The following IL3RA variants were observed in gnomAD, a reference collection of about 807,000 sequenced individuals.
IL3RA encodes the protein interleukin-3 receptor subunit alpha.
IL3RA carries 73 observed loss-of-function variants against 52.3 expected under a neutral mutation model. The ratio of observed to expected loss-of-function variants is 1.40; its 90% confidence interval spans 1.16 to 1.70. IL3RA has a LOEUF of 1.70. IL3RA is among the 40% of genes most tolerant of loss of function. The pLI is 0.00. For synonymous variants in IL3RA, 260 were observed against 194.0 expected (o/e 1.34, Z -2.83); for missense variants, 664 against 504.4 (o/e 1.32, Z -3.03).
intron 3 of IL3RA, among the ~76,000 whole-genome samples, chrX:1,345,742 G>C (rs1473738956): frequency 1.3e-5 from 2 of 151,676 alleles, no homozygotes; most frequent in Non-Finnish European, 2.9e-5. Flanking sequence ...TGCCCGCCTC[G>C]GCCTCCCAAA....
chrX:1,347,753 T>C lies in IL3RA; in HGVS notation c.184-678T>C, dbSNP rs770620323. Reference sequence around the variant, plus strand: ...AAGCTTTTGTATCTTTAGAAAAAAATTGTGGCCGGGCGCGGTGGCTCACGC... The same window carrying C: ...AAGCTTTTGTATCTTTAGAAAAAAACTGTGGCCGGGCGCGGTGGCTCACGC... On this transcript the variant is annotated intron_variant, in intron 3 of 11. Coordinates refer to ENST00000331035, the MANE Select transcript of IL3RA (RefSeq NM_002183.4). Among the ~76,000 whole-genome samples, 39 of 151,166 alleles carry C rather than the reference T, an allele frequency of 2.6e-4. No homozygotes were observed. The East Asian group carries it at 3.1e-3, about 12-fold the overall frequency.
At position 1,381,036 on chromosome X, in the gene IL3RA, CAG is replaced by C. The variant is rs757552505; in HGVS notation, c.998_999del (p.Arg333ThrfsTer14). 26 of 1,613,684 alleles carry C rather than the reference CAG, an allele frequency of 1.6e-5. No homozygotes were observed. In the Admixed American group the frequency reaches 2.0e-4, roughly 12 times the overall value. ...CTTTCCTCCGAGGTATCTGGTGATGCAGAGACTCTTTCCCCGCATCCCTCACA... is the reference window on the plus strand; with the variant it reads ...CTTTCCTCCGAGGTATCTGGTGATGCAGACTCTTTCCCCGCATCCCTCACA... ...FVICRRYLVM[Q>X]RLFPRIPHMK... On this transcript the variant is annotated frameshift_variant, in exon 11 of 12. Coordinates refer to ENST00000331035, the MANE Select transcript of IL3RA (RefSeq NM_002183.4). LOFTEE classifies it high-confidence loss of function.
At chrX:1,380,892 A>T in intron 10 of IL3RA, 131 bp from the exon 11 acceptor site, 1 of 758,276 alleles carries the variant, frequency 1.3e-6, no homozygotes, top group Non-Finnish European at 2.3e-6. Flanking sequence ...CCGGGAAAAT[A>T]GAGACCCCTC....
intron 4 of IL3RA, among the ~76,000 whole-genome samples, chrX:1,351,772 C>A (rs112701314): frequency 0.027 from 4,115 of 151,156 alleles, 74 homozygotes; most frequent in Non-Finnish European, 0.042. Context: ...GGGATTACAG[C>A]GGCCCGACAT....
rs1304653057 is a variant in IL3RA at position 1,382,510 on chromosome X, C to G, written c.*45C>G. The G allele has an allele frequency of 6.3e-7, 1 of 1,576,020 alleles. No individual in the cohort carries two copies. The highest frequency in any genetic ancestry group is 1.1e-5 in the South Asian group (1 of 90,322). ...TGGGGGTCTGCCTCAATCTCCCTGG[C>G]CGGGCCAGGCGCCTGCACAGACTGG... is the stretch of plus-strand genomic sequence containing the variant. On this transcript the variant is annotated 3_prime_UTR_variant, in exon 12 of 12. Transcript: ENST00000331035.
chrX:1,358,797 T>A (rs2086930381), intron 7 of IL3RA, 64 bp from the exon 8 acceptor site: 2 of 1,590,426 alleles, frequency 1.3e-6, no homozygotes, highest in Non-Finnish European at 1.7e-6. Context: ...AATTTGAGTT[T>A]GGGAGGAGGA....
intron 7 of IL3RA, among the ~76,000 whole-genome samples, chrX:1,357,552 TG>T (rs1322000133): frequency 6.7e-6 from 1 of 149,980 alleles, no homozygotes; most frequent in Non-Finnish European, 1.5e-5. Flanking sequence ...TTAGTAGAGA[TG>T]GGGTTTCACC....
chrX:1,345,539 G>T, intron 3 of IL3RA, 105 bp downstream of exon 3: 1 of 725,362 alleles, frequency 1.4e-6, no homozygotes, highest in Non-Finnish European at 2.0e-6. Context: ...GCCCAGGCTG[G>T]ACTGCGGTGA....
At position 1,349,175 on chromosome X, in the gene IL3RA, T is replaced by C. The variant is rs867671919; in HGVS notation, c.298+630T>C. ...CCCATGTACCACCATGCCCACCTAATTTTTTAAACACCTTTTTTTTTTTTT... is the reference window on the plus strand; with the variant it reads ...CCCATGTACCACCATGCCCACCTAACTTTTTAAACACCTTTTTTTTTTTTT... On this transcript the variant is annotated intron_variant, in intron 4 of 11. Coordinates refer to ENST00000331035, the MANE Select transcript of IL3RA (RefSeq NM_002183.4). 5.6e-5 allele frequency among the ~76,000 whole-genome samples: 7 copies of C among 125,848 alleles called. No homozygotes were observed. The Admixed American group carries it at 5.9e-4, about 11-fold the overall frequency. 82.6% of individuals were successfully genotyped at this position (125,848 alleles called of 152,430 possible). A position where few individuals can be genotyped will look rare whatever the true frequency, so the allele number is the denominator to read the frequency against.
chrX:1,358,109 G>C (rs1287258558), intron 7 of IL3RA, among the ~76,000 whole-genome samples: 15 of 133,024 alleles, frequency 1.1e-4, no homozygotes, highest in Non-Finnish European at 1.5e-4. Context: ...CGTCTCAGGA[G>C]AAAAAAAAAA....
chrX:1,368,296 A>G (rs1260665528), intron 9 of IL3RA, among the ~76,000 whole-genome samples: 1 of 152,020 alleles, frequency 6.6e-6, no homozygotes, highest in African/African-American at 2.4e-5. Flanking sequence ...CTCAGAGTAG[A>G]ACTTCTGGCC....
intron 6 of IL3RA, 79 bp from the exon 7 acceptor site, chrX:1,356,142 T>C: frequency 1.1e-6 from 1 of 920,306 alleles, no homozygotes; most frequent in East Asian, 2.4e-5. Flanking sequence ...TTGAAGTATC[T>C]CCAGAAAAAA....
intron 3 of IL3RA, among the ~76,000 whole-genome samples, chrX:1,347,944 G>C (rs2085832004): frequency 6.6e-6 from 1 of 151,398 alleles, no homozygotes; most frequent in South Asian, 2.1e-4. Context: ...GGATGAGGCA[G>C]GAGAATGGCA....
rs190149558 is a variant in IL3RA at position 1,359,945 on chromosome X, G to C, written c.759+1058G>C. Among the ~76,000 whole-genome samples the C allele has an allele frequency of 3.8e-3, 489 of 130,298 alleles. 5 individuals are homozygous for C. Among genetic ancestry groups the C allele is most frequent in the African/African-American group, 0.013 (444 of 33,600 alleles). 85.5% of individuals were successfully genotyped at this position (130,298 alleles called of 152,430 possible). The stretch of plus-strand genomic sequence containing the variant: ...TGTCTATCTCCCACTGTCCCTGTCT[G>C]TTTCTCCGTGTCTGTCTCTGTATCT... On this transcript the variant is annotated intron_variant, in intron 8 of 11. Coordinates refer to ENST00000331035, the MANE Select transcript of IL3RA (RefSeq NM_002183.4).
intron 4 of IL3RA, among the ~76,000 whole-genome samples, chrX:1,348,914 C>T (rs1223202469): frequency 6.7e-6 from 1 of 148,640 alleles, no homozygotes; most frequent in Non-Finnish European, 1.5e-5. Context: ...TCACTCCCTT[C>T]CTTCCTTCTC....
chrX:1,367,966 G>A (rs1339276581), intron 9 of IL3RA, among the ~76,000 whole-genome samples: 2 of 152,054 alleles, frequency 1.3e-5, no homozygotes, highest in East Asian at 1.9e-4. Context: ...GAGAGGAGAC[G>A]TGGAGGGGAA....
intron 2 of IL3RA, among the ~76,000 whole-genome samples, chrX:1,345,084 G>A: frequency 6.6e-6 from 1 of 151,224 alleles, no homozygotes. Context: ...CAGGAGAGTT[G>A]CTTGAACCAG....
intron 1 of IL3RA, 126 bp from the exon 2 acceptor site, chrX:1,341,602 G>A (rs3202254): frequency 0.58 from 411,826 of 704,560 alleles, 122,216 homozygotes; most frequent in Middle Eastern, 0.7. Flanking sequence ...ACTCACCACC[G>A]CTTTCCCTCC....
rs1422209768 is a variant in IL3RA at position 1,356,077 on chromosome X, C to T, written c.617-144C>T. On this transcript the variant is annotated intron_variant, in intron 6 of 11. Coordinates refer to ENST00000331035, the MANE Select transcript of IL3RA (RefSeq NM_002183.4). ...TCTGCCTGTAGAGTTTCTTTGTTCC[C>T]TCTTCCTTCCTGGTGTTTTTCTCTC... 52 of 633,582 alleles carry T rather than the reference C, an allele frequency of 8.2e-5. 2 individuals are homozygous for T. Among genetic ancestry groups the T allele is most frequent in the Non-Finnish European group, 1.5e-4 (52 of 354,866 alleles). The allele number at this position is 633,582 out of a possible 1,614,324, so 39.2% of individuals were successfully genotyped here.
Sources: gnomAD v4.1 joint callset for allele counts (sites outside exome capture counted in the v4.1 genomes callset) on GRCh38, gnomAD v4.1.1 for gene constraint, MANE v1.5 for transcripts, NCBI Gene and HGNC (gene_info 2026-07-23, HGNC 2026-07-21) for gene names.